The following RBMS3 variants were observed in gnomAD, a reference collection of about 807,000 sequenced individuals.
RBMS3 encodes the protein RNA binding motif single stranded interacting protein 3, also known as RNA-binding motif, single-stranded-interacting protein 3.
Under a neutral mutation model 66.8 loss-of-function variants are expected in RBMS3, and 27 were observed. That is an observed-to-expected ratio of 0.40 (90% CI 0.30 to 0.56). The LOEUF is 0.56. Ranked by LOEUF, RBMS3 falls within the 20% of genes least tolerant of loss-of-function variation. The probability of loss-of-function intolerance (pLI) is 0.40; values close to 1 mark genes in which losing one functional copy is unlikely to be tolerated. For synonymous variants in RBMS3, 188 were observed against 183.0 expected (o/e 1.03, Z -0.22); for missense variants, 513 against 549.5 (o/e 0.93, Z 0.66).
chr3:29,889,175 C>T (rs1443364562), intron 8 of RBMS3, among the ~76,000 whole-genome samples: 1 of 151,582 alleles, frequency 6.6e-6, no homozygotes, highest in Non-Finnish European at 1.5e-5. Flanking sequence ...CTACTTTGTA[C>T]TTCTGTGTCT....
intron 4 of RBMS3, among the ~76,000 whole-genome samples, chr3:29,659,049 C>T (rs1473052072): frequency 6.6e-6 from 1 of 152,072 alleles, no homozygotes; most frequent in Non-Finnish European, 1.5e-5. Context: ...GATCTCCTGA[C>T]CTCGTAATCT....
chr3:29,544,613 A>G (rs2045879289), intron 3 of RBMS3, among the ~76,000 whole-genome samples: 1 of 152,138 alleles, frequency 6.6e-6, no homozygotes, highest in Admixed American at 6.5e-5. Context: ...TCATGACTTT[A>G]TATAAGATTT....
intron 4 of RBMS3, among the ~76,000 whole-genome samples, chr3:29,718,735 T>A (rs1412401543): frequency 1.3e-5 from 2 of 152,162 alleles, no homozygotes; most frequent in Non-Finnish European, 2.9e-5. Flanking sequence ...TCTATGACTC[T>A]CTACCACAGT....
At chr3:29,433,379 T>G (rs961924958) in intron 1 of RBMS3, among the ~76,000 whole-genome samples, 19 of 152,138 alleles carry the variant, frequency 1.2e-4, no homozygotes, top group Admixed American at 2.6e-4. Context: ...CTTATTTTGT[T>G]TTTGGGTAGC....
intron 4 of RBMS3, among the ~76,000 whole-genome samples, chr3:29,695,021 C>T (rs2052203845): frequency 6.6e-6 from 1 of 152,102 alleles, no homozygotes; most frequent in South Asian, 2.1e-4. Flanking sequence ...TCTCATTGCC[C>T]ACTGCTGAGT....
rs1304934983 is a variant in RBMS3, at chr3:29,769,586, A to C, written c.637+6597A>C. ...TTGAAGTTCTAATCTTGGTAGGAGC[A>C]GGTTAAGTGAATAGTGACAAAGAGG... On this transcript the variant is annotated intron_variant, in intron 6 of 14. Coordinates refer to ENST00000383767, the MANE Select transcript of RBMS3 (RefSeq NM_001003793.3). 4.0e-5 allele frequency among the ~76,000 whole-genome samples: 6 copies of C among 151,262 alleles called. No homozygotes were observed. In the East Asian group the frequency reaches 7.8e-4, roughly 20 times the overall value.
intron 7 of RBMS3, among the ~76,000 whole-genome samples, chr3:29,876,831 G>GA (rs11432606): frequency 0.26 from 37,957 of 148,532 alleles, 6,489 homozygotes; most frequent in African/African-American, 0.5. Flanking sequence ...GTCTAGAGGT[G>GA]AAAAAAAAAA....
intron 4 of RBMS3, among the ~76,000 whole-genome samples, chr3:29,666,973 A>G (rs961828608): frequency 1.3e-5 from 2 of 152,172 alleles, no homozygotes; most frequent in African/African-American, 4.8e-5. Flanking sequence ...AATAGGGCGA[A>G]AAAGAATAAA....
At chr3:29,896,040 T>C (rs2060117518) in intron 8 of RBMS3, among the ~76,000 whole-genome samples, 1 of 151,506 alleles carries the variant, frequency 6.6e-6, no homozygotes, top group Non-Finnish European at 1.5e-5. Context: ...TATGATGGGA[T>C]AATTTTTTTC....
intron 1 of RBMS3, among the ~76,000 whole-genome samples, chr3:29,402,730 G>A (rs1230203017): frequency 6.6e-6 from 1 of 151,982 alleles, no homozygotes; most frequent in Non-Finnish European, 1.5e-5. Flanking sequence ...TATAGAACTA[G>A]TATTAAATTT....
intron 12 of RBMS3, among the ~76,000 whole-genome samples, chr3:29,965,355 G>A (rs185894106): frequency 1.3e-5 from 2 of 152,158 alleles, no homozygotes; most frequent in East Asian, 1.9e-4. Flanking sequence ...GTTTAGAAGT[G>A]TTCCCTGATT....
chr3:29,351,041 A>T (rs991872626), intron 1 of RBMS3, among the ~76,000 whole-genome samples: 1 of 152,116 alleles, frequency 6.6e-6, no homozygotes, highest in Non-Finnish European at 1.5e-5. Flanking sequence ...GTTATTATAG[A>T]TATGCCTATA....
chr3:29,826,768 G>A (rs1024563539), intron 6 of RBMS3, among the ~76,000 whole-genome samples: 3 of 152,016 alleles, frequency 2.0e-5, no homozygotes, highest in African/African-American at 7.2e-5. Context: ...GCCCATTTTG[G>A]TGGCTTACTT....
intron 4 of RBMS3, among the ~76,000 whole-genome samples, chr3:29,711,021 A>G (rs2053141290): frequency 6.6e-6 from 1 of 152,150 alleles, no homozygotes; most frequent in Non-Finnish European, 1.5e-5. Flanking sequence ...TTTGCACAGG[A>G]TATGTTCCAA....
intron 7 of RBMS3, among the ~76,000 whole-genome samples, chr3:29,877,780 T>C (rs541024348): frequency 1.7e-4 from 26 of 152,296 alleles, no homozygotes; most frequent in Admixed American, 4.6e-4. Context: ...TTGACTCTTA[T>C]GAAGGTCAGA....
intron 4 of RBMS3, among the ~76,000 whole-genome samples, chr3:29,724,383 G>C (rs959400819): frequency 4.6e-5 from 7 of 152,084 alleles, no homozygotes; most frequent in Admixed American, 3.9e-4. Context: ...CTGTATTCCT[G>C]AAACTCTGCT....
chr3:29,324,712 C>G (rs533753085), intron 1 of RBMS3, among the ~76,000 whole-genome samples: 29 of 151,882 alleles, frequency 1.9e-4, no homozygotes, highest in African/African-American at 6.8e-4. Context: ...TCCTAATATC[C>G]TAAAGAAGAC....
Position 29,415,759 on chromosome 3 carries a change from C to CA in RBMS3, c.76-18983dup, listed in dbSNP as rs2040452469. 2.0e-5 allele frequency among the ~76,000 whole-genome samples: 3 copies of CA among 149,526 alleles called. No individual in the cohort carries two copies. In the East Asian group the frequency reaches 5.9e-4, roughly 29 times the overall value. On this transcript the variant is annotated intron_variant, in intron 1 of 14. Transcript: ENST00000383767. ...CAGGACTTGGGGCCTGGCTAAGACT[C>CA]AGTCATGACAATGAAATTTTTTTTT...
intron 6 of RBMS3, among the ~76,000 whole-genome samples, chr3:29,775,737 C>CTAGTTG (rs1305101512): frequency 3.9e-5 from 6 of 151,916 alleles, no homozygotes; most frequent in Non-Finnish European, 8.8e-5. Flanking sequence ...TCCAGGTTTG[C>CTAGTTG]TAGTTGTAGT....
Sources: allele counts gnomAD v4.1 joint callset (sites outside exome capture counted in the v4.1 genomes callset), GRCh38; gene constraint gnomAD v4.1.1; transcripts MANE v1.5; gene names NCBI Gene and HGNC (gene_info 2026-07-23, HGNC 2026-07-21).